Variants in ANKRD55 observed in about 807,000 individuals in gnomAD.
ANKRD55 encodes the protein ankyrin repeat domain 55, also known as ankyrin repeat domain-containing protein 55.
Under a neutral mutation model 60.6 loss-of-function variants are expected in ANKRD55, and 41 were observed. The observed-to-expected ratio is 0.68, with a 90% CI of 0.53 to 0.88. The LOEUF is 0.88. Among genes scored for constraint, ANKRD55 ranks in the 40% least tolerant of loss-of-function variants. The pLI is 0.00. For missense variants in ANKRD55, 732 were observed against 767.6 expected (o/e 0.95, Z 0.55); for synonymous variants, 264 against 290.3 (o/e 0.91, Z 0.92).
chr5:56,106,420 C>CTTTTTTTTTTTTTTTTTTTTTTTTTTTT lies in ANKRD55; in HGVS notation c.1631-3835_1631-3834insAAAAAAAAAAAAAAAAAAAAAAAAAAAA, dbSNP rs71602938. On this transcript the variant is annotated intron_variant, in intron 10 of 11. Transcript: ENST00000341048. ...AATAAAATCCGTAAGGCTAGGAAAG[C>CTTTTTTTTTTTTTTTTTTTTTTTTTTTT]TTTTTTTTTTTTTTTTTTTTTTTGA... Among the ~76,000 whole-genome samples, 11 of 96,916 alleles carry CTTTTTTTTTTTTTTTTTTTTTTTTTTTT rather than the reference C, an allele frequency of 1.1e-4. 1 individual carries two copies. Among genetic ancestry groups the CTTTTTTTTTTTTTTTTTTTTTTTTTTTT allele is most frequent in the African/African-American group, 4.7e-4 (8 of 17,136 alleles). The allele number at this position is 96,916 out of a possible 152,430, so 63.6% of individuals were successfully genotyped here.
At chr5:56,169,943 T>C (rs1288692245) in intron 5 of ANKRD55, among the ~76,000 whole-genome samples, 1 of 152,208 alleles carries the variant, frequency 6.6e-6, no homozygotes, top group Non-Finnish European at 1.5e-5. Context: ...ACCGAGGCCA[T>C]GTAGACACAG....
chr5:56,217,712 G>A (rs1051366739), intron 2 of ANKRD55, among the ~76,000 whole-genome samples: 10 of 152,076 alleles, frequency 6.6e-5, no homozygotes, highest in African/African-American at 1.2e-4. Context: ...GGCTAACATG[G>A]TGAAACCCCA....
chr5:56,156,439 G>A (rs758507153), intron 6 of ANKRD55, among the ~76,000 whole-genome samples: 1 of 152,222 alleles, frequency 6.6e-6, no homozygotes, highest in Non-Finnish European at 1.5e-5. Context: ...TTCATTGTCT[G>A]CACCGCCAGG....
At chr5:56,111,887 G>A in intron 9 of ANKRD55, 105 bp from the exon 10 acceptor site, 1 of 1,139,582 alleles carries the variant, frequency 8.8e-7, no homozygotes, top group Non-Finnish European at 1.2e-6. Context: ...CAGGTTTTCT[G>A]AGATCCTTCC....
chr5:56,202,302 A>G (rs1406008702), intron 2 of ANKRD55, among the ~76,000 whole-genome samples: 1 of 152,168 alleles, frequency 6.6e-6, no homozygotes, highest in East Asian at 1.9e-4. Context: ...CCTTGAACTT[A>G]AAATGAAAGT....
intron 2 of ANKRD55, among the ~76,000 whole-genome samples, chr5:56,198,649 C>CA (rs200725182): frequency 1.8e-4 from 28 of 151,582 alleles, no homozygotes; most frequent in Non-Finnish European, 2.2e-4. Context: ...TTCTCAAAAA[C>CA]AAAAAAAACC....
At chr5:56,101,106 T>C (rs1756258083) in intron 11 of ANKRD55, among the ~76,000 whole-genome samples, 1 of 152,254 alleles carries the variant, frequency 6.6e-6, no homozygotes, top group Non-Finnish European at 1.5e-5. Flanking sequence ...GACAGAGTTG[T>C]ACTAAGACCC....
intron 2 of ANKRD55, among the ~76,000 whole-genome samples, chr5:56,194,583 T>A (rs1183870836): frequency 1.3e-5 from 2 of 152,172 alleles, no homozygotes; most frequent in Admixed American, 6.5e-5. Context: ...GACTATATTA[T>A]ATATTTGATT....
rs1273889433 is a variant in ANKRD55 at position 56,173,574 on chromosome 5, C to CTA, written c.312+2577_312+2578insTA. On this transcript the variant is annotated intron_variant, in intron 4 of 11. Coordinates refer to ENST00000341048, the MANE Select transcript of ANKRD55 (RefSeq NM_024669.3). ...TCTCTCTCTCTCTCTCTCTCTCTCT[C>CTA]TCTCTCTCTATATATATATATATAT... is the stretch of plus-strand genomic sequence containing the variant. 4.6e-3 allele frequency among the ~76,000 whole-genome samples: 452 copies of CTA among 98,106 alleles called. 1 individual carries two copies. Among genetic ancestry groups the CTA allele is most frequent in the African/African-American group, 7.3e-3 (160 of 21,776 alleles). 64.4% of individuals were successfully genotyped at this position (98,106 alleles called of 152,430 possible). A position where few individuals can be genotyped will look rare whatever the true frequency, so the allele number is the denominator to read the frequency against.
At chr5:56,167,658 C>A (rs1561278492) in intron 5 of ANKRD55, among the ~76,000 whole-genome samples, 1 of 152,208 alleles carries the variant, frequency 6.6e-6, no homozygotes, top group Non-Finnish European at 1.5e-5. Flanking sequence ...GACAATATAA[C>A]TAACTACGTC....
chr5:56,186,066 C>T (rs1413061896), intron 2 of ANKRD55, among the ~76,000 whole-genome samples: 1 of 152,190 alleles, frequency 6.6e-6, no homozygotes, highest in Non-Finnish European at 1.5e-5. Flanking sequence ...CTGTGATGAG[C>T]GCAAGGACTA....
chr5:56,223,953 C>A (rs1280092867), intron 2 of ANKRD55, among the ~76,000 whole-genome samples: 1 of 152,114 alleles, frequency 6.6e-6, no homozygotes, highest in African/African-American at 2.4e-5. Flanking sequence ...ACAAGGATAT[C>A]CAGGAATTGA....
chr5:56,111,180 C>T lies in ANKRD55; in HGVS notation c.1568G>A (p.Arg523Gln), dbSNP rs141966247. Residue 523 changes from arginine to glutamine, a missense_variant, in exon 10 of 12, where the codon CGG becomes CAG. Arg to Gln is a conservative substitution (Grantham distance 43). Around this residue, in one of 3 missense-constraint regions of ANKRD55, gnomAD observed 597 missense variants for 607.5 expected, o/e 0.98. Transcript: ENST00000341048. Reference protein sequence around the residue: ...DKLLDRLLSVRPGHQEVSVPP... With the variant: ...DKLLDRLLSVQPGHQEVSVPP... ...CACGGAGACCTCTTGGTGACCAGGC[C>T]GGACACTGAGCAATCTGTCCAGCAG... 48 of 1,614,108 alleles carry T rather than the reference C, an allele frequency of 3.0e-5. 1 individual carries two copies. In the East Asian group the frequency reaches 4.9e-4, roughly 16 times the overall value.
chr5:56,228,153 C>CT (rs750164609), intron 2 of ANKRD55, among the ~76,000 whole-genome samples: 25 of 152,206 alleles, frequency 1.6e-4, no homozygotes, highest in Non-Finnish European at 2.9e-4. Flanking sequence ...AAGAGAGTGA[C>CT]TATGACCTTA....
intron 7 of ANKRD55, among the ~76,000 whole-genome samples, chr5:56,136,781 G>T (rs962088124): frequency 7.3e-6 from 1 of 137,142 alleles, no homozygotes; most frequent in African/African-American, 3.3e-5. Flanking sequence ...AATTACCTAG[G>T]CATTGTGGGT....
At chr5:56,116,541 A>G in intron 9 of ANKRD55, 74 bp downstream of exon 9, 1 of 1,307,216 alleles carries the variant, frequency 7.6e-7, no homozygotes. Flanking sequence ...GCACCTTGGC[A>G]ATTTAAAACA....
chr5:56,197,200 G>A (rs981802468), intron 2 of ANKRD55, among the ~76,000 whole-genome samples: 13 of 152,058 alleles, frequency 8.5e-5, no homozygotes, highest in Non-Finnish European at 1.6e-4. Flanking sequence ...TAATTTAAAG[G>A]GTCATTGGAT....
At chr5:56,210,375 C>T (rs1402255026) in intron 2 of ANKRD55, among the ~76,000 whole-genome samples, 1 of 151,584 alleles carries the variant, frequency 6.6e-6, no homozygotes, top group Non-Finnish European at 1.5e-5. Flanking sequence ...GAGACTGAGA[C>T]CACGGTGAAA....
At chr5:56,206,282 G>T (rs1052363605) in intron 2 of ANKRD55, among the ~76,000 whole-genome samples, 3 of 152,088 alleles carry the variant, frequency 2.0e-5, no homozygotes, top group African/African-American at 7.2e-5. Flanking sequence ...TGGCCTCAAT[G>T]ATGCATTTCC....
Sources: gnomAD v4.1 joint callset for allele counts (sites outside exome capture counted in the v4.1 genomes callset) on GRCh38, gnomAD v4.1.1 for gene constraint, gnomAD v4.1.1 regional missense constraint, MANE v1.5 for transcripts, NCBI Gene and HGNC (gene_info 2026-07-23, HGNC 2026-07-21) for gene names.